RABL6: variants seen among roughly 807,000 people sequenced by gnomAD.
The protein encoded by RABL6 is RAB, member RAS oncogene family like 6.
Under a neutral mutation model 72.9 loss-of-function variants are expected in RABL6, and 28 were observed. That is an observed-to-expected ratio of 0.38 (90% CI 0.28 to 0.53). The LOEUF (loss-of-function observed/expected upper bound fraction) is 0.53, where lower values mean the gene tolerates loss of function less well. Ranked by LOEUF, RABL6 falls within the 20% of genes least tolerant of loss-of-function variation. RABL6 has a pLI of 0.80. For synonymous variants in RABL6, 477 were observed against 421.2 expected (o/e 1.13, Z -1.62); for missense variants, 1,029 against 1,008.4 (o/e 1.02, Z -0.28).
intron 5 of RABL6, among the ~76,000 whole-genome samples, chr9:136,829,752 C>G (rs182623196): frequency 1.6e-4 from 25 of 152,398 alleles, no homozygotes; most frequent in African/African-American, 5.5e-4. Flanking sequence ...CATAGCCCCA[C>G]TGTTCTTCCT....
intron 13 of RABL6, 121 bp downstream of exon 13, chr9:136,839,986 C>A: frequency 6.7e-7 from 1 of 1,486,656 alleles, no homozygotes; most frequent in Non-Finnish European, 9.2e-7. Context: ...TGCCATGCTC[C>A]TGGCAGCCCC....
intron 7 of RABL6, chr9:136,834,405 G>A: frequency 1.0e-6 from 1 of 987,384 alleles, no homozygotes; most frequent in South Asian, 4.7e-5. Flanking sequence ...ATTACATTTG[G>A]TTGACAAGTC....
At chr9:136,814,176 A>G (rs1227571929) in intron 1 of RABL6, 1 of 294,648 alleles carries the variant, frequency 3.4e-6, no homozygotes, top group South Asian at 3.6e-5. Context: ...CAAAAATATC[A>G]TGGATACTAG....
intron 1 of RABL6, among the ~76,000 whole-genome samples, chr9:136,821,084 A>G (rs1588354002): frequency 6.6e-6 from 1 of 152,334 alleles, no homozygotes; most frequent in East Asian, 1.9e-4. Context: ...CGCGTTCATG[A>G]GGGCTGGTTT....
intron 1 of RABL6, chr9:136,809,725 A>G (rs933357488): frequency 6.5e-6 from 1 of 154,292 alleles, no homozygotes; most frequent in Non-Finnish European, 1.5e-5. Context: ...TGAAGTTCAA[A>G]TTAGAGTCAG....
intron 7 of RABL6, chr9:136,834,006 G>T (rs749860474): frequency 2.7e-6 from 4 of 1,494,280 alleles, no homozygotes; most frequent in Non-Finnish European, 3.6e-6. Flanking sequence ...GAGAGAACGG[G>T]ACCCTGGACA....
At position 136,835,856 on chromosome 9, in the gene RABL6, GGACCCGCC is replaced by G. The variant is rs1238937120; in HGVS notation, c.809+12_809+19del. On this transcript the variant is annotated intron_variant, in intron 8 of 14. Transcript: ENST00000311502. ...CCAGAACTACGGCATGTATGTGGCC[GGACCCGCC>G]CGTGCGGGCGGTGTGGGGGCTGCGG... is the stretch of plus-strand genomic sequence containing the variant. 1 of 1,549,688 alleles carries G rather than the reference GGACCCGCC, an allele frequency of 6.5e-7. No homozygotes were observed. The highest frequency in any genetic ancestry group is 8.7e-7 in the Non-Finnish European group (1 of 1,147,342).
At chr9:136,820,200 CAAAAAAAAAA>C (rs34975162) in intron 1 of RABL6, among the ~76,000 whole-genome samples, 23 of 77,844 alleles carry the variant, frequency 3.0e-4, no homozygotes, top group South Asian at 1.0e-3. Flanking sequence ...CTCCATCTTC[CAAAAAAAAAA>C]AAAAAAAAAA....
intron 1 of RABL6, chr9:136,821,377 G>A: frequency 1.0e-6 from 1 of 985,478 alleles, no homozygotes; most frequent in Non-Finnish European, 1.2e-6. Context: ...GGAAACCACC[G>A]GGAAGCACAG....
At position 136,839,379 on chromosome 9, in the gene RABL6, T is replaced by C; in HGVS notation, c.1651T>C (p.Ser551Pro). 1 of 1,612,576 alleles carries C rather than the reference T, an allele frequency of 6.2e-7. No individual in the cohort carries two copies. Among genetic ancestry groups the C allele is most frequent in the Non-Finnish European group, 8.5e-7 (1 of 1,179,762 alleles). The change falls in exon 12 of 15, where the codon TCC (serine) becomes CCC (proline). Residue 551 changes from serine (S) to proline (P), a missense_variant. Around this residue, in one of 2 missense-constraint regions of RABL6, gnomAD observed 595 missense variants for 472.4 expected, o/e 1.26. Transcript: ENST00000311502. ...EMEPGKGEQA[S>P]SSESDPEGPI... ...GGAGCCGGGGAAGGGTGAGCAGGCC[T>C]CCTCGTCGGAGAGTGACCCCGAGGG...
At chr9:136,830,099 G>A (rs977113307) in intron 5 of RABL6, among the ~76,000 whole-genome samples, 2 of 152,228 alleles carry the variant, frequency 1.3e-5, no homozygotes, top group Non-Finnish European at 2.9e-5. Flanking sequence ...CCAGTGTCCT[G>A]GTGCAGGGCC....
In RABL6 at chr9:136,840,364, A is replaced by G; in HGVS notation, c.2032A>G (p.Ser678Gly). ...AAKKKSKHKK[S>G]KDKEEGKEER... ...CAAGAAGAAGAGCAAACACAAGAAGAGCAAGGACAAGGAGGAGGGCAAGGA... is the reference window on the plus strand; with the variant it reads ...CAAGAAGAAGAGCAAACACAAGAAGGGCAAGGACAAGGAGGAGGGCAAGGA... The change falls in exon 15 of 15, where the codon AGC becomes GGC. Residue 678 changes from serine to glycine, a missense_variant. Coordinates refer to ENST00000311502, the MANE Select transcript of RABL6 (RefSeq NM_024718.5). 2 of 1,557,702 alleles carry G rather than the reference A, an allele frequency of 1.3e-6. No homozygotes were observed. The highest frequency in any genetic ancestry group is 1.7e-6 in the Non-Finnish European group (2 of 1,150,994).
rs765855307 is a variant in RABL6 at position 136,840,445 on chromosome 9, G to A, written c.2113G>A (p.Asp705Asn). ...PPRSRERTAADELEAFLGGGA... is the reference protein window; with the variant it reads ...PPRSRERTAANELEAFLGGGA... The stretch of plus-strand genomic sequence containing the variant: ...GCGCAGCAGGGAGAGGACGGCTGCC[G>A]ATGAGCTGGAGGCTTTCCTGGGGGG... Residue 705 changes from aspartate to asparagine, a missense_variant, in exon 15 of 15, where the codon GAT becomes AAT. Asp to Asn is a conservative substitution (Grantham distance 23). Around this residue, in one of 2 missense-constraint regions of RABL6, gnomAD observed 595 missense variants for 472.4 expected, o/e 1.26. Coordinates refer to ENST00000311502, the MANE Select transcript of RABL6 (RefSeq NM_024718.5). 161 of 1,547,276 alleles carry A rather than the reference G, an allele frequency of 1.0e-4. 1 individual carries two copies. In the Middle Eastern group the frequency reaches 1.1e-3, roughly 10 times the overall value.
At chr9:136,814,222 G>A (rs1848070610) in intron 1 of RABL6, 12 of 235,916 alleles carry the variant, frequency 5.1e-5, no homozygotes. Flanking sequence ...ACAGGGTCTT[G>A]CTCTGTTACC....
rs140592983 is a variant in RABL6 at position 136,820,650 on chromosome 9, C to T, written c.131-2875C>T. ...CCTCCCAAAGTGCTGGGATTAGAGG[C>T]GTGAGCCACCGTGCCCGGCCAATAA... On this transcript the variant is annotated intron_variant, in intron 1 of 14. Transcript: ENST00000311502. Among the ~76,000 whole-genome samples, 919 of 152,062 alleles carry T rather than the reference C, an allele frequency of 6.0e-3. 17 individuals are homozygous for T. The highest frequency in any genetic ancestry group is 0.021 in the African/African-American group (888 of 41,478).
At chr9:136,829,984 C>T (rs1171656742) in intron 5 of RABL6, among the ~76,000 whole-genome samples, 2 of 152,358 alleles carry the variant, frequency 1.3e-5, no homozygotes, top group East Asian at 3.9e-4. Flanking sequence ...CACTCAGCTC[C>T]TCAGGAGTGC....
intron 7 of RABL6, chr9:136,834,046 C>G (rs1848537845): frequency 6.9e-7 from 1 of 1,450,444 alleles, no homozygotes; most frequent in South Asian, 1.5e-5. Context: ...TAGGGCTGAG[C>G]TGTGTGTGAC....
Position 136,822,059 on chromosome 9 carries a change from GCC to G in RABL6, c.131-1465_131-1464del, listed in dbSNP as rs1032509308. ...AGAAGAAATGACTGTGGGAACAGGTGCCTTGAGGTAGAGGGAGGGGACTGGGC... is the reference window on the plus strand; with the variant it reads ...AGAAGAAATGACTGTGGGAACAGGTGTTGAGGTAGAGGGAGGGGACTGGGC... On this transcript the variant is annotated intron_variant, in intron 1 of 14. Transcript: ENST00000311502. The G allele has an allele frequency of 2.2e-5, 29 of 1,289,594 alleles. No homozygotes were observed. In the African/African-American group the frequency reaches 4.1e-4, roughly 18 times the overall value. 79.9% of individuals were successfully genotyped at this position (1,289,594 alleles called of 1,614,324 possible).
chr9:136,825,617 A>G (rs1488970028), intron 2 of RABL6, among the ~76,000 whole-genome samples, 162 bp from the exon 3 acceptor site: 1 of 152,078 alleles, frequency 6.6e-6, no homozygotes, highest in African/African-American at 2.4e-5. Flanking sequence ...AGGAGCCGCC[A>G]TGTGGTCGTC....
Sources: allele counts gnomAD v4.1 joint callset (sites outside exome capture counted in the v4.1 genomes callset), GRCh38; gene constraint gnomAD v4.1.1; regional missense constraint gnomAD v4.1.1; transcripts MANE v1.5; gene names NCBI Gene and HGNC (gene_info 2026-07-23, HGNC 2026-07-21).